Variants in AHCYL2 observed in about 807,000 individuals in gnomAD.
The protein encoded by AHCYL2 is adenosylhomocysteinase like 2, also known as S-adenosylhomocysteine hydrolase-like protein 2.
AHCYL2 carries 28 observed loss-of-function variants against 81.4 expected under a neutral mutation model. The ratio of observed to expected loss-of-function variants is 0.34; its 90% CI spans 0.25 to 0.47. The LOEUF (loss-of-function observed/expected upper bound fraction) is 0.47. Ranked by LOEUF, AHCYL2 falls within the 20% of genes least tolerant of loss-of-function variation. The pLI is 1.00. For synonymous variants in AHCYL2, 272 were observed against 290.2 expected (o/e 0.94, Z 0.64); for missense variants, 551 against 785.1 (o/e 0.70, Z 3.56).
intron 1 of AHCYL2, among the ~76,000 whole-genome samples, chr7:129,284,225 G>A (rs1292125348): frequency 1.3e-5 from 2 of 152,138 alleles, no homozygotes; most frequent in African/African-American, 4.8e-5. Flanking sequence ...TTAAGATGAA[G>A]GGATTTGTTA....
At chr7:129,417,342 G>A (rs1796907282) in intron 12 of AHCYL2, among the ~76,000 whole-genome samples, 1 of 152,240 alleles carries the variant, frequency 6.6e-6, no homozygotes, top group Admixed American at 6.5e-5. Context: ...GATGAGGTCA[G>A]AGGGGTAACA....
intron 1 of AHCYL2, among the ~76,000 whole-genome samples, chr7:129,340,353 G>A (rs891939931): frequency 2.7e-5 from 4 of 150,730 alleles, no homozygotes; most frequent in Non-Finnish European, 5.9e-5. Context: ...GGATCACGAG[G>A]TCAGGACATC....
At position 129,262,182 on chromosome 7, in the gene AHCYL2, C is replaced by T. The variant is rs1387509433; in HGVS notation, c.363+36743C>T. ...AGGTCACAATATAATTGGAGAGATA[C>T]GTATTTATATAAATATTTACTGTAT... On this transcript the variant is annotated intron_variant, in intron 1 of 16. Coordinates refer to ENST00000325006, the MANE Select transcript of AHCYL2 (RefSeq NM_015328.4). Among the ~76,000 whole-genome samples the T allele has an allele frequency of 2.0e-4, 30 of 152,104 alleles. No homozygotes were observed. The South Asian group carries it at 3.5e-3, about 18-fold the overall frequency.
chr7:129,355,920 A>G (rs1330692604), intron 1 of AHCYL2, among the ~76,000 whole-genome samples: 3 of 152,184 alleles, frequency 2.0e-5, no homozygotes, highest in Non-Finnish European at 4.4e-5. Flanking sequence ...AGCAGTCAGA[A>G]CTTTTTGGCA....
chr7:129,289,215 T>TA, intron 1 of AHCYL2, among the ~76,000 whole-genome samples: 1 of 152,154 alleles, frequency 6.6e-6, no homozygotes, highest in Non-Finnish European at 1.5e-5. Flanking sequence ...TCAGCCTGCC[T>TA]AATAGCTAGG....
In AHCYL2 at chr7:129,276,489, G is replaced by T. The variant is rs141570030; in HGVS notation, c.363+51050G>T. 2.3e-3 allele frequency among the ~76,000 whole-genome samples: 341 copies of T among 151,522 alleles called. 15 individuals carry two copies. The East Asian group carries it at 0.062, about 27-fold the overall frequency. Reference sequence around the variant, plus strand: ...AAACAGGCTGGGCACAGTGGCTCATGCCTATAATCCCAGCACTTTGGGAGG... The same window carrying T: ...AAACAGGCTGGGCACAGTGGCTCATTCCTATAATCCCAGCACTTTGGGAGG... On this transcript the variant is annotated intron_variant, in intron 1 of 16. Coordinates refer to ENST00000325006, the MANE Select transcript of AHCYL2 (RefSeq NM_015328.4).
Position 129,406,488 on chromosome 7 carries a change from T to A in AHCYL2, c.1295+22T>A. 1.9e-6 allele frequency: 3 copies of A among 1,608,672 alleles called. No homozygotes were observed. Among genetic ancestry groups the A allele is most frequent in the Non-Finnish European group, 2.6e-6 (3 of 1,175,124 alleles). Reference sequence around the variant, plus strand: ...CCTGGTAAGCCTCTACGCTACCATCTCACTTGCAATCTCGGAGCTGTCTCC... The same window carrying A: ...CCTGGTAAGCCTCTACGCTACCATCACACTTGCAATCTCGGAGCTGTCTCC... On this transcript the variant is annotated intron_variant, in intron 10 of 16. Coordinates refer to ENST00000325006, the MANE Select transcript of AHCYL2 (RefSeq NM_015328.4). This position sits in a 1 kb window ranked among gnomAD's most constrained non-coding sequence, Gnocchi z 4.3.
chr7:129,405,850 C>G lies in AHCYL2; in HGVS notation c.1157C>G (p.Thr386Arg), dbSNP rs1397660496. ...TTTTCCCCTAGACTTAAAAGGACAA[C>G]AGACATGATGTTTGGTGGAAAGCAA... ...ESILDGLKRTTDMMFGGKQVV... is the reference protein window; with the variant it reads ...ESILDGLKRTRDMMFGGKQVV... The change falls in exon 9 of 17, where the codon ACA becomes AGA. Residue 386 changes from threonine to arginine, a missense_variant. Transcript: ENST00000325006. 9 of 1,612,728 alleles carry G rather than the reference C, an allele frequency of 5.6e-6. No individual in the cohort carries two copies. Among genetic ancestry groups the G allele is most frequent in the Non-Finnish European group, 7.6e-6 (9 of 1,179,442 alleles).
At chr7:129,251,839 C>T (rs565833915) in intron 1 of AHCYL2, among the ~76,000 whole-genome samples, 25 of 152,142 alleles carry the variant, frequency 1.6e-4, no homozygotes, top group Non-Finnish European at 2.4e-4. Context: ...CATGCTTAAT[C>T]CTAATTTTTT....
intron 1 of AHCYL2, among the ~76,000 whole-genome samples, chr7:129,329,956 T>C (rs1271790093): frequency 6.6e-6 from 1 of 152,214 alleles, no homozygotes; most frequent in African/African-American, 2.4e-5. Context: ...GTTTTTTACT[T>C]GGATGTTTGG....
Position 129,419,280 on chromosome 7 carries a change from G to A in AHCYL2, c.1462-3560G>A, listed in dbSNP as rs1415573752. The stretch of plus-strand genomic sequence containing the variant: ...GTCTTAAAAGCAGACCTGCAGCCAG[G>A]TGTGGTGGCTCACGCCTGTAATCCC... On this transcript the variant is annotated intron_variant, in intron 12 of 16. Coordinates refer to ENST00000325006, the MANE Select transcript of AHCYL2 (RefSeq NM_015328.4). This position sits in a 1 kb window ranked among gnomAD's most constrained non-coding sequence, Gnocchi z 4.7. Among the ~76,000 whole-genome samples, 1 of 152,074 alleles carries A rather than the reference G, an allele frequency of 6.6e-6. No individual in the cohort carries two copies. The highest frequency in any genetic ancestry group is 6.5e-5 in the Admixed American group (1 of 15,276).
chr7:129,417,863 T>C (rs1179318066), intron 12 of AHCYL2, among the ~76,000 whole-genome samples: 3 of 152,202 alleles, frequency 2.0e-5, no homozygotes, highest in Non-Finnish European at 2.9e-5. Flanking sequence ...GAGCATATAT[T>C]CTAATGTGGG....
At chr7:129,425,237 GA>G (rs902639320) in intron 15 of AHCYL2, 96 bp downstream of exon 15, 20 of 1,029,554 alleles carry the variant, frequency 1.9e-5, no homozygotes, top group East Asian at 2.5e-5. Flanking sequence ...AAGGATGGGG[GA>G]AAAAAGGTAC....
chr7:129,289,283 G>T (rs1796752098), intron 1 of AHCYL2, among the ~76,000 whole-genome samples: 1 of 152,062 alleles, frequency 6.6e-6, no homozygotes, highest in African/African-American at 2.4e-5. Flanking sequence ...GTAGAGATGG[G>T]ATCTCACTAT....
At chr7:129,225,566 C>T (rs1794181909) in intron 1 of AHCYL2, 127 bp downstream of exon 1, 2 of 1,360,538 alleles carry the variant, frequency 1.5e-6, no homozygotes, top group Non-Finnish European at 1.9e-6. Context: ...ACCCCTTGTC[C>T]CCTTAAACCC....
intron 1 of AHCYL2, among the ~76,000 whole-genome samples, chr7:129,230,291 C>T (rs887756229): frequency 2.6e-5 from 4 of 151,518 alleles, no homozygotes; most frequent in African/African-American, 9.7e-5. Context: ...ACCAAGTTAG[C>T]CAGGGTGGTC....
chr7:129,249,160 G>T (rs1795162769), intron 1 of AHCYL2, among the ~76,000 whole-genome samples: 1 of 151,800 alleles, frequency 6.6e-6, no homozygotes, highest in African/African-American at 2.4e-5. Flanking sequence ...ACTGTGCCTG[G>T]CTAATATTCA....
chr7:129,302,728 T>C (rs1797296860), intron 1 of AHCYL2, among the ~76,000 whole-genome samples: 1 of 152,228 alleles, frequency 6.6e-6, no homozygotes, highest in South Asian at 2.1e-4. Flanking sequence ...TCATGATGAA[T>C]GATCTTTTTA....
At chr7:129,320,076 T>C (rs1421115008) in intron 1 of AHCYL2, among the ~76,000 whole-genome samples, 2 of 152,196 alleles carry the variant, frequency 1.3e-5, no homozygotes, top group East Asian at 1.9e-4. Context: ...GTCGTTCTAA[T>C]GGGTGTGTAG....
Sources: gnomAD v4.1 joint callset for allele counts (sites outside exome capture counted in the v4.1 genomes callset) on GRCh38, gnomAD v4.1.1 for gene constraint, Gnocchi (gnomAD v3.1) non-coding constraint, MANE v1.5 for transcripts, NCBI Gene and HGNC (gene_info 2026-07-23, HGNC 2026-07-21) for gene names.